TLL2: variants seen among roughly 807,000 people sequenced by gnomAD.
TLL2 encodes the protein tolloid like 2.
In TLL2, 106 loss-of-function variants were observed where a neutral mutation model predicts 123.0. The observed-to-expected ratio is 0.86, with a 90% CI of 0.74 to 1.01. TLL2 has a LOEUF of 1.01. Among genes scored for constraint, TLL2 ranks in the 50% least tolerant of loss-of-function variants. The probability of loss-of-function intolerance (pLI) is 0.00; values close to 1 mark genes in which losing one functional copy is unlikely to be tolerated. For synonymous variants in TLL2, 494 were observed against 516.8 expected, an observed-to-expected ratio of 0.96 and a Z score of 0.60; for missense variants, 1,332 against 1,336.7, an observed-to-expected ratio of 1.00 and a Z score of 0.06.
chr10:96,413,370 G>T, intron 7 of TLL2, 54 bp from the exon 8 acceptor site: 1 of 1,587,418 alleles, frequency 6.3e-7, no homozygotes. Flanking sequence ...CAGGCTGTCT[G>T]TGCTGGGATT....
Position 96,513,696 on chromosome 10 carries a change from G to A in TLL2, c.-11C>T, listed in dbSNP as rs767999126. The A allele has an allele frequency of 1.7e-4, 261 of 1,502,812 alleles. 1 individual carries two copies. The highest frequency in any genetic ancestry group is 2.1e-4 in the Non-Finnish European group (232 of 1,130,580). 93.1% of individuals were successfully genotyped at this position (1,502,812 alleles called of 1,614,324 possible). On this transcript the variant is annotated 5_prime_UTR_variant, in exon 1 of 21. Transcript: ENST00000357947. ...AGTCGCCCGGGGCATGGTGGCGCGGGGCCGGCTGGGGCAGAGGGAGTTGCG... is the reference window on the plus strand; with the variant it reads ...AGTCGCCCGGGGCATGGTGGCGCGGAGCCGGCTGGGGCAGAGGGAGTTGCG...
intron 5 of TLL2, among the ~76,000 whole-genome samples, chr10:96,427,312 A>T (rs778839603): frequency 4.2e-4 from 64 of 152,226 alleles, no homozygotes; most frequent in Non-Finnish European, 7.8e-4. Flanking sequence ...AGGTTATAGA[A>T]TCTGATAGAC....
chr10:96,502,085 G>A (rs747747807), intron 1 of TLL2, among the ~76,000 whole-genome samples: 1 of 152,144 alleles, frequency 6.6e-6, no homozygotes, highest in South Asian at 2.1e-4. Flanking sequence ...AGGCCTCATG[G>A]GGGAAATGAC....
rs1273738501 is a variant in TLL2 at position 96,403,956 on chromosome 10, C to T, written c.1267+1276G>A. 2.8e-5 allele frequency among the ~76,000 whole-genome samples: 4 copies of T among 144,556 alleles called. No individual in the cohort carries two copies. In the Admixed American group the frequency reaches 2.8e-4, roughly 10 times the overall value. The allele number at this position is 144,556 out of a possible 152,430, so 94.8% of individuals were successfully genotyped here. ...AATCTGGCCTACGTGCACATCCAGGCATAGTACCTTCCCTTGAACTTAATT... is the reference window on the plus strand; with the variant it reads ...AATCTGGCCTACGTGCACATCCAGGTATAGTACCTTCCCTTGAACTTAATT... On this transcript the variant is annotated intron_variant, in intron 10 of 20. Coordinates refer to ENST00000357947, the MANE Select transcript of TLL2 (RefSeq NM_012465.4).
At chr10:96,374,936 G>A (rs1257048036) in intron 18 of TLL2, among the ~76,000 whole-genome samples, 1 of 128,536 alleles carries the variant, frequency 7.8e-6, no homozygotes, top group African/African-American at 3.0e-5. Flanking sequence ...CCAAATGACA[G>A]AGCAGGGAGA....
chr10:96,462,497 G>C (rs1847091269), intron 2 of TLL2, among the ~76,000 whole-genome samples: 1 of 152,136 alleles, frequency 6.6e-6, no homozygotes, highest in Non-Finnish European at 1.5e-5. Flanking sequence ...CACTAAACTA[G>C]TGAACACCTA....
rs2134081165 is a variant in TLL2 at position 96,432,946 on chromosome 10, G to A, written c.381C>T (p.Thr127=). 1.2e-6 allele frequency: 2 copies of A among 1,613,584 alleles called. No homozygotes were observed. Among genetic ancestry groups the A allele is most frequent in the Non-Finnish European group, 1.7e-6 (2 of 1,179,722 alleles). The part of the protein sequence containing the change: ...KEAGKDGREN[T]TLLHSPGTLH... The stretch of plus-strand genomic sequence containing the variant: ...AGGTCCCAGGGCTGTGCAGGAGTGT[G>A]GTATTCTCCCGGCCATCTGCAACAC... Residue 127 remains threonine (T), a synonymous_variant, in exon 4 of 21, where the codon ACC becomes ACT. Coordinates refer to ENST00000357947, the MANE Select transcript of TLL2 (RefSeq NM_012465.4).
intron 5 of TLL2, among the ~76,000 whole-genome samples, chr10:96,425,821 TCA>T (rs1005067040): frequency 2.0e-5 from 3 of 152,080 alleles, no homozygotes; most frequent in Admixed American, 6.5e-5. Context: ...CTGCCAATAT[TCA>T]CAGTTTTTCT....
intron 3 of TLL2, among the ~76,000 whole-genome samples, chr10:96,441,139 T>C (rs902655104): frequency 6.6e-6 from 1 of 152,212 alleles, no homozygotes; most frequent in Non-Finnish European, 1.5e-5. Flanking sequence ...TATTTCCAGC[T>C]GAAGGCACAG....
chr10:96,376,668 C>A, intron 18 of TLL2, 24 bp downstream of exon 18: 1 of 1,609,050 alleles, frequency 6.2e-7, no homozygotes, highest in South Asian at 1.1e-5. Context: ...TCCACATTCT[C>A]AATAAACTAC....
chr10:96,426,918 G>GT (rs1198020507), intron 5 of TLL2, among the ~76,000 whole-genome samples: 1 of 152,106 alleles, frequency 6.6e-6, no homozygotes, highest in Admixed American at 6.5e-5. Flanking sequence ...GTGGTGGGTT[G>GT]TAAGTATTTA....
intron 7 of TLL2, among the ~76,000 whole-genome samples, chr10:96,420,501 G>C (rs1846609186): frequency 6.6e-6 from 1 of 152,164 alleles, no homozygotes; most frequent in Admixed American, 6.5e-5. Context: ...GAGCTGGCTG[G>C]AGCCTCATTG....
Position 96,480,405 on chromosome 10 carries a change from A to G in TLL2, c.230T>C (p.Ile77Thr), listed in dbSNP as rs770482849. 3.7e-5 allele frequency: 60 copies of G among 1,614,060 alleles called. No homozygotes were observed. Among genetic ancestry groups the G allele is most frequent in the Middle Eastern group, 1.6e-4 (1 of 6,084 alleles). The stretch of plus-strand genomic sequence containing the variant: ...CTTGGTCCAGTCTCTGGCTTTGTCA[A>G]TGTGAAACAGCTTCAAGTCATCTTC... ...LDEDDLKLFH[I>T]DKARDWTKQT... The change falls in exon 2 of 21, where the codon ATT (isoleucine) becomes ACT (threonine). Residue 77 changes from isoleucine (I) to threonine (T), a missense_variant. Transcript: ENST00000357947.
intron 7 of TLL2, among the ~76,000 whole-genome samples, chr10:96,413,556 T>C (rs1846528074): frequency 6.6e-6 from 1 of 152,184 alleles, no homozygotes; most frequent in African/African-American, 2.4e-5. Context: ...AGTGTAAAAA[T>C]ATGCCCTAGT....
chr10:96,500,804 C>CGGAGGGAGGGAG (rs1847526837), intron 1 of TLL2, among the ~76,000 whole-genome samples: 1 of 12,972 alleles, frequency 7.7e-5, no homozygotes, highest in Non-Finnish European at 1.6e-4. Context: ...GAGGGAGGGA[C>CGGAGGGAGGGAG]GGAGGGAGGG....
At chr10:96,458,163 G>A (rs970547910) in intron 2 of TLL2, among the ~76,000 whole-genome samples, 7 of 152,098 alleles carry the variant, frequency 4.6e-5, no homozygotes, top group Admixed American at 2.6e-4. Context: ...GTTCTGAGGT[G>A]TGGAGACGGG....
chr10:96,483,723 T>C (rs114041290), intron 1 of TLL2, among the ~76,000 whole-genome samples: 56 of 152,282 alleles, frequency 3.7e-4, no homozygotes, highest in South Asian at 2.3e-3. Flanking sequence ...CAAGTATTTG[T>C]TACAAGAGGG....
chr10:96,458,046 G>A (rs1356858636), intron 2 of TLL2, among the ~76,000 whole-genome samples: 1 of 152,142 alleles, frequency 6.6e-6, no homozygotes, highest in Non-Finnish European at 1.5e-5. Context: ...GGTGGCTGCA[G>A]GAGGTGGGGT....
At chr10:96,370,956 G>C (rs1009129576) in intron 19 of TLL2, among the ~76,000 whole-genome samples, 3 of 152,182 alleles carry the variant, frequency 2.0e-5, no homozygotes, top group Non-Finnish European at 2.9e-5. Flanking sequence ...ATTATACAAG[G>C]ACAGTAACTC....
Sources: gnomAD v4.1 joint callset for allele counts (sites outside exome capture counted in the v4.1 genomes callset) on GRCh38, gnomAD v4.1.1 for gene constraint, MANE v1.5 for transcripts, NCBI Gene and HGNC (gene_info 2026-07-23, HGNC 2026-07-21) for gene names.